Variants in AHCYL2 observed in about 807,000 individuals in gnomAD.
The protein encoded by AHCYL2 is S-adenosylhomocysteine hydrolase-like protein 2.
AHCYL2 carries 28 observed loss-of-function variants against 81.4 expected under a neutral mutation model. The observed-to-expected ratio is 0.34, with a 90% CI of 0.25 to 0.47. AHCYL2 has a LOEUF of 0.47. AHCYL2 is among the 20% of genes least tolerant of loss of function. The probability of loss-of-function intolerance (pLI) is 1.00; values close to 1 mark genes in which losing one functional copy is unlikely to be tolerated. For synonymous variants in AHCYL2, 272 were observed against 290.2 expected, an observed-to-expected ratio of 0.94 and a Z score of 0.64; for missense variants, 551 against 785.1, an observed-to-expected ratio of 0.70 and a Z score of 3.56.
chr7:129,396,958 G>A (rs1413307646), intron 4 of AHCYL2, among the ~76,000 whole-genome samples: 4 of 152,190 alleles, frequency 2.6e-5, no homozygotes, highest in Non-Finnish European at 5.9e-5. Flanking sequence ...TTTTGGCTCT[G>A]AAGTCCTTGG....
intron 1 of AHCYL2, among the ~76,000 whole-genome samples, chr7:129,260,503 G>A (rs1370248841): frequency 2.0e-5 from 3 of 152,082 alleles, no homozygotes; most frequent in Non-Finnish European, 4.4e-5. Context: ...TTCTTCATAT[G>A]ATGTAGTCGG....
intron 1 of AHCYL2, among the ~76,000 whole-genome samples, chr7:129,367,174 T>C (rs888583487): frequency 6.6e-6 from 1 of 152,160 alleles, no homozygotes; most frequent in Non-Finnish European, 1.5e-5. Context: ...TTTGGCTTAG[T>C]GATTTTGGGG....
chr7:129,426,086 G>A lies in AHCYL2; in HGVS notation c.1709-357G>A, dbSNP rs1797352438. 6.6e-6 allele frequency among the ~76,000 whole-genome samples: 1 copy of A among 152,192 alleles called. No individual in the cohort carries two copies. Among genetic ancestry groups the A allele is most frequent in the Non-Finnish European group, 1.5e-5 (1 of 68,034 alleles). On this transcript the variant is annotated intron_variant, in intron 15 of 16. Transcript: ENST00000325006. The surrounding 1 kb of genome is among the most constrained non-coding windows in gnomAD (Gnocchi z 4.3). Reference sequence around the variant, plus strand: ...GTTGTTTTAAATGACCCAAAGTATGGAGTCCAAGGCAAAACTCAAGTTGGA... The same window carrying A: ...GTTGTTTTAAATGACCCAAAGTATGAAGTCCAAGGCAAAACTCAAGTTGGA...
At chr7:129,278,251 A>G (rs139438642) in intron 1 of AHCYL2, among the ~76,000 whole-genome samples, 3 of 151,526 alleles carry the variant, frequency 2.0e-5, no homozygotes, top group Admixed American at 6.6e-5. Flanking sequence ...TTTATTTTTT[A>G]TTTTTTTAGA....
rs1428306540 is a variant in AHCYL2 at position 129,225,298 on chromosome 7, C to T, written c.222C>T (p.Ser74=). ...GCTCGGGGCCCGCCGCCGCTCTCAG[C>T]CCCGCCGCCGGGAAGGTGCCTCAGG... ...GPGSGPAAAL[S]PAAGKVPQAS... Residue 74 remains serine, a synonymous_variant, in exon 1 of 17, where the codon AGC becomes AGT. Coordinates refer to ENST00000325006, the MANE Select transcript of AHCYL2 (RefSeq NM_015328.4). 7 of 1,475,346 alleles carry T rather than the reference C, an allele frequency of 4.7e-6. No homozygotes were observed. The Admixed American group carries it at 9.6e-5, about 20-fold the overall frequency. 91.4% of individuals were successfully genotyped at this position (1,475,346 alleles called of 1,614,324 possible). A position where few individuals can be genotyped will look rare whatever the true frequency, so the allele number is the denominator to read the frequency against.
Position 129,383,167 on chromosome 7 carries a change from AT to A in AHCYL2, c.475+3420del, listed in dbSNP as rs531773227. ...TTTTATAGATATCTCTTTTTATTTT[AT>A]TCTATTTTTTTTTAAGAGACAGGGT... is the stretch of plus-strand genomic sequence containing the variant. On this transcript the variant is annotated intron_variant, in intron 2 of 16. Transcript: ENST00000325006. Among the ~76,000 whole-genome samples the A allele has an allele frequency of 4.7e-4, 71 of 150,522 alleles. 1 individual carries two copies. The highest frequency in any genetic ancestry group is 6.7e-4 in the Admixed American group (10 of 15,014).
intron 1 of AHCYL2, among the ~76,000 whole-genome samples, chr7:129,235,811 A>T (rs1794623552): frequency 6.6e-6 from 1 of 152,192 alleles, no homozygotes; most frequent in Admixed American, 6.5e-5. Context: ...GATCTGTCTC[A>T]TATTTTTTAA....
chr7:129,332,754 T>C (rs974404831), intron 1 of AHCYL2, among the ~76,000 whole-genome samples: 5 of 152,218 alleles, frequency 3.3e-5, no homozygotes, highest in Non-Finnish European at 7.3e-5. Flanking sequence ...TCTGTTGCCA[T>C]GTAAACCAAA....
intron 10 of AHCYL2, among the ~76,000 whole-genome samples, chr7:129,409,097 A>C (rs1156282510): frequency 6.6e-6 from 1 of 151,826 alleles, no homozygotes; most frequent in South Asian, 2.1e-4. Context: ...TAAAAAAAAA[A>C]AAACACACAC....
In AHCYL2 at chr7:129,382,469, G is replaced by A. The variant is rs1220738204; in HGVS notation, c.475+2720G>A. 2.6e-5 allele frequency among the ~76,000 whole-genome samples: 4 copies of A among 151,942 alleles called. No homozygotes were observed. In the East Asian group the frequency reaches 5.8e-4, roughly 22 times the overall value. On this transcript the variant is annotated intron_variant, in intron 2 of 16. Transcript: ENST00000325006. ...TTAAAAATTAGCCAGGCGTCGTGGCGCATGCCTGTAATCCCAGCTACTCCG... is the reference window on the plus strand; with the variant it reads ...TTAAAAATTAGCCAGGCGTCGTGGCACATGCCTGTAATCCCAGCTACTCCG...
At chr7:129,305,455 A>G (rs948870373) in intron 1 of AHCYL2, among the ~76,000 whole-genome samples, 3 of 152,102 alleles carry the variant, frequency 2.0e-5, no homozygotes, top group African/African-American at 4.8e-5. Context: ...GCAATAATCC[A>G]TCTCAAAAAC....
chr7:129,254,587 G>A (rs1795347579), intron 1 of AHCYL2, among the ~76,000 whole-genome samples: 1 of 152,108 alleles, frequency 6.6e-6, no homozygotes, highest in Non-Finnish European at 1.5e-5. Flanking sequence ...CAAAGAAATA[G>A]CAATTTTGTT....
At chr7:129,400,420 G>A in intron 6 of AHCYL2, 36 bp downstream of exon 6, 1 of 1,592,060 alleles carries the variant, frequency 6.3e-7, no homozygotes, top group African/African-American at 1.3e-5. Flanking sequence ...TTCTGTAGGG[G>A]TCAGGAATGG....
rs549793532 is a variant in AHCYL2 at position 129,269,292 on chromosome 7, T to G, written c.363+43853T>G. On this transcript the variant is annotated intron_variant, in intron 1 of 16. Coordinates refer to ENST00000325006, the MANE Select transcript of AHCYL2 (RefSeq NM_015328.4). ...ATGGTGTGCACCACCATGCCTAATT[T>G]TTTTTTTTTTTGAGACAGAGTCTTG... is the stretch of plus-strand genomic sequence containing the variant. 3.4e-3 allele frequency among the ~76,000 whole-genome samples: 519 copies of G among 151,572 alleles called. 4 individuals carry two copies. The highest frequency in any genetic ancestry group is 0.031 in the Middle Eastern group (9 of 294).
At chr7:129,329,517 A>G (rs1479104323) in intron 1 of AHCYL2, among the ~76,000 whole-genome samples, 1 of 152,188 alleles carries the variant, frequency 6.6e-6, no homozygotes, top group Non-Finnish European at 1.5e-5. Flanking sequence ...GATTTCTTAG[A>G]TAATGATGTA....
In AHCYL2 at chr7:129,424,867, T is replaced by C. The variant is rs1797286960; in HGVS notation, c.1561-7T>C. The stretch of plus-strand genomic sequence containing the variant: ...AATCCATTTGTGTCTTCACCTTTGA[T>C]CACTAGGGCCGCCTGCTGAACCTTA... On this transcript the variant is annotated splice_polypyrimidine_tract_variant and splice_region_variant and intron_variant, in intron 13 of 16. Coordinates refer to ENST00000325006, the MANE Select transcript of AHCYL2 (RefSeq NM_015328.4). 1 of 1,612,448 alleles carries C rather than the reference T, an allele frequency of 6.2e-7. No homozygotes were observed.
At chr7:129,232,479 G>T (rs967136385) in intron 1 of AHCYL2, among the ~76,000 whole-genome samples, 1 of 152,154 alleles carries the variant, frequency 6.6e-6, no homozygotes, top group Non-Finnish European at 1.5e-5. Context: ...AGACCACTTT[G>T]GATCTCACAA....
intron 1 of AHCYL2, among the ~76,000 whole-genome samples, chr7:129,324,900 A>G (rs1239872529): frequency 2.6e-5 from 4 of 152,158 alleles, no homozygotes; most frequent in Non-Finnish European, 5.9e-5. Flanking sequence ...AACTTATCAG[A>G]CACCTCCTTC....
At chr7:129,228,760 A>G (rs1794314409) in intron 1 of AHCYL2, among the ~76,000 whole-genome samples, 1 of 152,368 alleles carries the variant, frequency 6.6e-6, no homozygotes, top group South Asian at 2.1e-4. Flanking sequence ...TGCTTACATC[A>G]GTATCAGTAA....
Sources: allele counts gnomAD v4.1 joint callset (sites outside exome capture counted in the v4.1 genomes callset), GRCh38; gene constraint gnomAD v4.1.1; non-coding constraint Gnocchi (gnomAD v3.1); transcripts MANE v1.5; gene names NCBI Gene and HGNC (gene_info 2026-07-23, HGNC 2026-07-21).